The following SH3RF2 variants were observed in gnomAD, a reference collection of about 807,000 sequenced individuals.
SH3RF2 encodes E3 ubiquitin-protein ligase SH3RF2.
SH3RF2 carries 43 observed loss-of-function variants against 59.0 expected under a neutral mutation model. The observed-to-expected ratio is 0.73, with a 90% confidence interval of 0.57 to 0.94. The LOEUF (loss-of-function observed/expected upper bound fraction) is 0.94. Ranked by LOEUF, SH3RF2 falls within the 40% of genes least tolerant of loss-of-function variation. The probability of loss-of-function intolerance (pLI) is 0.00; values close to 1 mark genes in which losing one functional copy is unlikely to be tolerated. For synonymous variants in SH3RF2, 391 were observed against 391.5 expected, an observed-to-expected ratio of 1.00 and a Z score of 0.01; for missense variants, 930 against 940.1, an observed-to-expected ratio of 0.99 and a Z score of 0.14.
chr5:145,998,075 G>GA (rs1268713979), intron 2 of SH3RF2: 2 of 566,032 alleles, frequency 3.5e-6, no homozygotes, highest in Non-Finnish European at 3.2e-6. Flanking sequence ...AAATAATGAT[G>GA]AAAAAAATCA....
At chr5:145,996,796 A>G (rs1284975438) in intron 2 of SH3RF2, among the ~76,000 whole-genome samples, 1 of 152,194 alleles carries the variant, frequency 6.6e-6, no homozygotes, top group Non-Finnish European at 1.5e-5. Context: ...AGCATCAGGT[A>G]ATCTGAGTTC....
intron 5 of SH3RF2, among the ~76,000 whole-genome samples, chr5:146,035,324 AT>A (rs1485546783): frequency 2.0e-5 from 3 of 151,722 alleles, no homozygotes; most frequent in African/African-American, 7.3e-5. Flanking sequence ...GGCTCACTAA[AT>A]TCCTTAGAAG....
intron 2 of SH3RF2, chr5:145,997,536 C>T: frequency 3.1e-6 from 5 of 1,607,118 alleles, no homozygotes; most frequent in Non-Finnish European, 4.3e-6. Context: ...TCGAGATTTT[C>T]TTCCGAAAAT....
At chr5:146,059,256 C>G (rs1340087115) in intron 8 of SH3RF2, among the ~76,000 whole-genome samples, 1 of 152,184 alleles carries the variant, frequency 6.6e-6, no homozygotes, top group East Asian at 1.9e-4. Flanking sequence ...CCTTTGTCTG[C>G]TGTTGTGCTT....
rs184933632 is a variant in SH3RF2, at chr5:145,974,017, A to G, written c.379-26041A>G. On this transcript the variant is annotated intron_variant, in intron 2 of 9. Transcript: ENST00000359120. Reference sequence around the variant, plus strand: ...CAGCCCAGCTGAATCCTCTGCCATCAAGAGGTTGGTCAGGGTAGGATTCTT... The same window carrying G: ...CAGCCCAGCTGAATCCTCTGCCATCGAGAGGTTGGTCAGGGTAGGATTCTT... 2.6e-3 allele frequency among the ~76,000 whole-genome samples: 396 copies of G among 152,310 alleles called. 2 individuals are homozygous for G. The highest frequency in any genetic ancestry group is 8.9e-3 in the African/African-American group (372 of 41,574).
intron 5 of SH3RF2, among the ~76,000 whole-genome samples, chr5:146,016,028 T>C (rs781038228): frequency 6.6e-6 from 1 of 152,134 alleles, no homozygotes; most frequent in Non-Finnish European, 1.5e-5. Context: ...ACACTCCCCC[T>C]ACCTTCCCCA....
At chr5:146,021,780 A>G (rs1017330332) in intron 5 of SH3RF2, among the ~76,000 whole-genome samples, 9 of 152,208 alleles carry the variant, frequency 5.9e-5, no homozygotes, top group Non-Finnish European at 1.3e-4. Flanking sequence ...AGTGTTGTAC[A>G]GGAGAAACCA....
chr5:146,024,689 T>A (rs960597560), intron 5 of SH3RF2, among the ~76,000 whole-genome samples: 2 of 152,358 alleles, frequency 1.3e-5, no homozygotes, highest in Middle Eastern at 3.4e-3. Context: ...TTTACTCTAA[T>A]GTTTAGATTT....
chr5:146,046,643 C>T (rs1762313867), intron 5 of SH3RF2, among the ~76,000 whole-genome samples: 2 of 152,210 alleles, frequency 1.3e-5, no homozygotes, highest in South Asian at 4.1e-4. Context: ...CTTACATAGT[C>T]CCTGCCCTCA....
chr5:145,970,889 G>A (rs904375275), intron 2 of SH3RF2, among the ~76,000 whole-genome samples: 1 of 151,952 alleles, frequency 6.6e-6, no homozygotes, highest in African/African-American at 2.4e-5. Context: ...TCACTGATAC[G>A]GCCACAAATG....
rs1757593984 is a variant in SH3RF2, at chr5:145,936,620, G to T, written c.-181G>T. On this transcript the variant is annotated 5_prime_UTR_variant, in exon 1 of 10. Coordinates refer to ENST00000359120, the MANE Select transcript of SH3RF2 (RefSeq NM_152550.4). ...GCGGCGCTTGGAGGAAAGGAAGCCGGTTGGAGGGCGCAGCGCACCCCTGCT... is the reference window on the plus strand; with the variant it reads ...GCGGCGCTTGGAGGAAAGGAAGCCGTTTGGAGGGCGCAGCGCACCCCTGCT... 1 of 152,638 alleles carries T rather than the reference G, an allele frequency of 6.6e-6. No homozygotes were observed. Among genetic ancestry groups the T allele is most frequent in the African/African-American group, 2.4e-5 (1 of 41,598 alleles). 9.5% of individuals were successfully genotyped at this position (152,638 alleles called of 1,614,324 possible).
At chr5:145,953,956 CATTGATGGGCATTTAGAT>C (rs1158262348) in intron 2 of SH3RF2, among the ~76,000 whole-genome samples, 1 of 152,150 alleles carries the variant, frequency 6.6e-6, no homozygotes, top group African/African-American at 2.4e-5. Flanking sequence ...TCCAATCTGT[CATTGATGGGCATTTAGAT>C]TGATTCTATG....
downstream of SH3RF2, among the ~76,000 whole-genome samples, chr5:146,067,593 C>A (rs968337354): frequency 1.4e-4 from 21 of 152,230 alleles, no homozygotes; most frequent in Non-Finnish European, 2.5e-4. Context: ...CTGTTTTTAA[C>A]AATATCCCCA....
chr5:145,992,176 A>G (rs1230434339), intron 2 of SH3RF2, among the ~76,000 whole-genome samples: 1 of 152,158 alleles, frequency 6.6e-6, no homozygotes, highest in Non-Finnish European at 1.5e-5. Flanking sequence ...GTTTGAGACC[A>G]GCCTGAACAA....
Position 146,000,333 on chromosome 5 carries a change from AT to A in SH3RF2, c.648+8del. 6.2e-7 allele frequency: 1 copy of A among 1,611,056 alleles called. No homozygotes were observed. Among genetic ancestry groups the A allele is most frequent in the Non-Finnish European group, 8.5e-7 (1 of 1,179,066 alleles). On this transcript the variant is annotated splice_region_variant and intron_variant, in intron 3 of 9. Transcript: ENST00000359120. Reference sequence around the variant, plus strand: ...ATTGCCTGACCTTCCTCAAGGTAGGATTCTGGGTGGCCACCAGAGTCACCTG... The same window carrying A: ...ATTGCCTGACCTTCCTCAAGGTAGGATCTGGGTGGCCACCAGAGTCACCTG...
At chr5:146,041,466 G>A (rs1387041171) in intron 5 of SH3RF2, among the ~76,000 whole-genome samples, 2 of 152,160 alleles carry the variant, frequency 1.3e-5, no homozygotes, top group African/African-American at 4.8e-5. Context: ...TGCCTAGCAC[G>A]GTGCCTAGGA....
At chr5:146,050,389 TG>T (rs1198766183) in intron 7 of SH3RF2, among the ~76,000 whole-genome samples, 1 of 152,298 alleles carries the variant, frequency 6.6e-6, no homozygotes, top group East Asian at 1.9e-4. Context: ...GCTGGTGAGG[TG>T]GTGGACTCTC....
intron 2 of SH3RF2, chr5:145,997,847 T>C: frequency 1.5e-6 from 2 of 1,290,768 alleles, no homozygotes; most frequent in Non-Finnish European, 2.3e-6. Flanking sequence ...CAAAAACAAC[T>C]CACATCTTGA....
intron 5 of SH3RF2, among the ~76,000 whole-genome samples, chr5:146,020,369 CT>C (rs1761270496): frequency 6.6e-6 from 1 of 152,174 alleles, no homozygotes; most frequent in Admixed American, 6.5e-5. Context: ...CACCTCTTTG[CT>C]TTTTGTCCTT....
Sources: gnomAD v4.1 joint callset for allele counts (sites outside exome capture counted in the v4.1 genomes callset) on GRCh38, gnomAD v4.1.1 for gene constraint, MANE v1.5 for transcripts, NCBI Gene and HGNC (gene_info 2026-07-23, HGNC 2026-07-21) for gene names.